The following TIAM2 variants were observed in gnomAD, a reference collection of about 807,000 sequenced individuals.
The protein encoded by TIAM2 is TIAM Rac1 associated GEF 2.
In TIAM2, 80 loss-of-function variants were observed where a neutral mutation model predicts 152.9. That is an observed-to-expected ratio of 0.52 (90% CI 0.44 to 0.63). The LOEUF (loss-of-function observed/expected upper bound fraction) is 0.63. Ranked by LOEUF, TIAM2 falls within the 30% of genes least tolerant of loss-of-function variation. The pLI is 0.00. For missense variants in TIAM2, 1,965 were observed against 2,120.1 expected, an observed-to-expected ratio of 0.93 and a Z score of 1.44; for synonymous variants, 804 against 838.0, an observed-to-expected ratio of 0.96 and a Z score of 0.70.
Position 155,194,613 on chromosome 6 carries a change from A to G in TIAM2, c.3064+11113A>G, listed in dbSNP as rs537197013. Among the ~76,000 whole-genome samples the G allele has an allele frequency of 2.0e-5, 3 of 152,334 alleles. No homozygotes were observed. The South Asian group carries it at 6.2e-4, about 32-fold the overall frequency. ...GGACTCTGTCTTGTATTTGTCACCA[A>G]TAAATCACTGGGCACATAAGTAGAG... On this transcript the variant is annotated intron_variant, in intron 14 of 26. Transcript: ENST00000682666.
At chr6:155,112,801 C>G (rs1332580659) in intron 2 of TIAM2, among the ~76,000 whole-genome samples, 1 of 152,148 alleles carries the variant, frequency 6.6e-6, no homozygotes, top group Non-Finnish European at 1.5e-5. Context: ...CTCACACTTG[C>G]TTCCACCTGC....
chr6:155,009,069 C>T (rs1032856670), intron 1 of TIAM2, among the ~76,000 whole-genome samples: 1 of 147,252 alleles, frequency 6.8e-6, no homozygotes, highest in South Asian at 2.2e-4. Context: ...GGGTCCTGTC[C>T]TCTGTTTCTG....
chr6:155,203,143 A>C (rs1393913539), intron 14 of TIAM2, among the ~76,000 whole-genome samples: 1 of 151,882 alleles, frequency 6.6e-6, no homozygotes, highest in Non-Finnish European at 1.5e-5. Flanking sequence ...GGCTGTGAGC[A>C]TTAATGCAGA....
intron 14 of TIAM2, among the ~76,000 whole-genome samples, chr6:155,205,254 A>G (rs1781571476): frequency 6.9e-6 from 1 of 144,380 alleles, no homozygotes; most frequent in South Asian, 2.3e-4. Flanking sequence ...AGAAGAGAAA[A>G]CAAATGTTCT....
intron 15 of TIAM2, among the ~76,000 whole-genome samples, chr6:155,233,898 G>C (rs1475906263): frequency 1.3e-5 from 2 of 151,990 alleles, no homozygotes; most frequent in African/African-American, 4.8e-5. Flanking sequence ...AGGAGTTTGA[G>C]GCTGCAGTGA....
intron 1 of TIAM2, chr6:155,005,036 C>A: frequency 1.9e-6 from 1 of 516,054 alleles, no homozygotes; most frequent in South Asian, 3.5e-5. Context: ...TGGAGTAACC[C>A]ATGATGAGCC....
At chr6:155,198,687 A>G (rs1000038157) in intron 14 of TIAM2, among the ~76,000 whole-genome samples, 7 of 151,806 alleles carry the variant, frequency 4.6e-5, no homozygotes, top group Non-Finnish European at 1.0e-4. Flanking sequence ...AAAAAAAAAA[A>G]AAATCTCTTA....
intron 1 of TIAM2, among the ~76,000 whole-genome samples, chr6:155,032,965 G>C (rs141905991): frequency 2.2e-3 from 333 of 152,350 alleles, no homozygotes; most frequent in Non-Finnish European, 3.7e-3. Flanking sequence ...AAACAGCTAT[G>C]TGTTAATTCT....
In TIAM2 at chr6:155,107,131, G is replaced by A. The variant is rs142089756; in HGVS notation, c.-118+16752G>A. ...TTTCTTATTAACGAACAGACCCCGA[G>A]AAATACTGGCTACATCCAAAGTTCT... On this transcript the variant is annotated intron_variant, in intron 2 of 26. Coordinates refer to ENST00000682666, the MANE Select transcript of TIAM2 (RefSeq NM_012454.4). Among the ~76,000 whole-genome samples, 361 of 152,190 alleles carry A rather than the reference G, an allele frequency of 2.4e-3. 4 individuals carry two copies. The highest frequency in any genetic ancestry group is 7.6e-3 in the African/African-American group (314 of 41,512).
intron 1 of TIAM2, among the ~76,000 whole-genome samples, chr6:155,059,358 C>T (rs1279222701): frequency 2.0e-5 from 3 of 148,990 alleles, no homozygotes; most frequent in African/African-American, 7.4e-5. Context: ...GAGTCTCACT[C>T]TGTTGCCCAG....
chr6:155,017,506 C>CTTTTTTTTT (rs35552958), intron 1 of TIAM2, among the ~76,000 whole-genome samples: 1 of 129,054 alleles, frequency 7.7e-6, no homozygotes, highest in African/African-American at 3.0e-5. Context: ...TCCATTTTGT[C>CTTTTTTTTT]TTTTTTTTTT....
chr6:155,185,055 AG>A (rs1465045455), intron 14 of TIAM2, among the ~76,000 whole-genome samples: 1 of 150,620 alleles, frequency 6.6e-6, no homozygotes, highest in Admixed American at 6.6e-5. Context: ...ATTACCACAG[AG>A]GCTATAATAC....
At position 155,148,255 on chromosome 6, in the gene TIAM2, A is replaced by T; in HGVS notation, c.1949A>T (p.Asp650Val). ...AACCTGCTTCAGAAGATAGACATGG[A>T]CAGCAAGATGAAGAAGATGGCAGAG... ...TKNLLQKIDM[D>V]SKMKKMAELQ... Residue 650 changes from aspartate (D) to valine (V), a missense_variant, in exon 7 of 27, where the codon GAC becomes GTC. Physicochemically the swap from Asp to Val is radical, Grantham distance 152 (BLOSUM62 -3). Around this residue, in one of 3 missense-constraint regions of TIAM2, gnomAD observed 1,025 missense variants for 1,119.4 expected, o/e 0.92. Transcript: ENST00000682666. 1 of 1,612,756 alleles carries T rather than the reference A, an allele frequency of 6.2e-7. No individual in the cohort carries two copies. Among genetic ancestry groups the T allele is most frequent in the South Asian group, 1.1e-5 (1 of 91,016 alleles).
intron 14 of TIAM2, among the ~76,000 whole-genome samples, chr6:155,207,929 C>T (rs986111002): frequency 6.6e-6 from 1 of 152,156 alleles, no homozygotes; most frequent in African/African-American, 2.4e-5. Context: ...TCAGATGACT[C>T]AGGATTCACT....
chr6:155,227,940 C>T (rs546434509), intron 15 of TIAM2, among the ~76,000 whole-genome samples: 115 of 152,316 alleles, frequency 7.6e-4, no homozygotes, highest in African/African-American at 2.6e-3. Context: ...CATCTTAGAA[C>T]TATTATCAGA....
intron 1 of TIAM2, among the ~76,000 whole-genome samples, chr6:155,074,567 C>T (rs1365278357): frequency 5.3e-5 from 8 of 152,202 alleles, no homozygotes; most frequent in Non-Finnish European, 1.0e-4. Flanking sequence ...AGGTGGGTCT[C>T]GAACTCCTGA....
chr6:155,211,330 A>G, intron 15 of TIAM2, 23 bp downstream of exon 15: 1 of 1,604,698 alleles, frequency 6.2e-7, no homozygotes, highest in Non-Finnish European at 8.5e-7. Context: ...CCCAAATCGC[A>G]AACCAAGAAC....
chr6:155,146,973 T>C (rs893933156), intron 6 of TIAM2, among the ~76,000 whole-genome samples: 1 of 152,060 alleles, frequency 6.6e-6, no homozygotes, highest in African/African-American at 2.4e-5. Context: ...CAGGCTGGTC[T>C]TGAACTCCTG....
At chr6:155,205,713 G>A (rs1781580650) in intron 14 of TIAM2, among the ~76,000 whole-genome samples, 1 of 152,268 alleles carries the variant, frequency 6.6e-6, no homozygotes, top group East Asian at 1.9e-4. Flanking sequence ...GATGCTGGCA[G>A]GGACACCACC....
Sources: gnomAD v4.1 joint callset for allele counts (sites outside exome capture counted in the v4.1 genomes callset) on GRCh38, gnomAD v4.1.1 for gene constraint, gnomAD v4.1.1 regional missense constraint, MANE v1.5 for transcripts, NCBI Gene and HGNC (gene_info 2026-07-23, HGNC 2026-07-21) for gene names.